Variants in LRRC1 observed in about 807,000 individuals in gnomAD.
The protein encoded by LRRC1 is leucine-rich repeat-containing protein 1.
In LRRC1, 28 loss-of-function variants were observed where a neutral mutation model predicts 69.9. The observed-to-expected ratio is 0.40, with a 90% CI of 0.30 to 0.55. The LOEUF (loss-of-function observed/expected upper bound fraction) is 0.55, where lower values mean the gene tolerates loss of function less well. Among genes scored for constraint, LRRC1 ranks in the 20% least tolerant of loss-of-function variants. The pLI, the probability that LRRC1 is intolerant of heterozygous loss-of-function variation, is 0.47. For missense variants in LRRC1, 498 were observed against 609.0 expected (o/e 0.82, Z 1.92); for synonymous variants, 236 against 240.2 (o/e 0.98, Z 0.16).
At chr6:53,827,519 G>A (rs920902761) in intron 1 of LRRC1, among the ~76,000 whole-genome samples, 9 of 152,112 alleles carry the variant, frequency 5.9e-5, no homozygotes, top group Admixed American at 3.3e-4. Flanking sequence ...CCAGGTAATT[G>A]GGTAAAGGCC....
chr6:53,897,571 T>C (rs770639141), intron 7 of LRRC1, among the ~76,000 whole-genome samples: 3 of 152,202 alleles, frequency 2.0e-5, no homozygotes, highest in Admixed American at 1.3e-4. Context: ...TTTGTAAATA[T>C]AGTAAATATT....
At chr6:53,833,883 A>G (rs749488954) in intron 1 of LRRC1, among the ~76,000 whole-genome samples, 9 of 152,228 alleles carry the variant, frequency 5.9e-5, no homozygotes, top group Non-Finnish European at 8.8e-5. Flanking sequence ...ACATGAATAT[A>G]AACTATTTTG....
At chr6:53,831,562 A>G (rs1195328399) in intron 1 of LRRC1, among the ~76,000 whole-genome samples, 2 of 152,212 alleles carry the variant, frequency 1.3e-5, no homozygotes, top group Non-Finnish European at 2.9e-5. Flanking sequence ...CTGGTTAGTC[A>G]GGTCCCTCCC....
intron 1 of LRRC1, among the ~76,000 whole-genome samples, chr6:53,833,023 C>G (rs1765474110): frequency 6.6e-6 from 1 of 151,976 alleles, no homozygotes; most frequent in African/African-American, 2.4e-5. Context: ...TAATCATTCC[C>G]CTATTGTTAG....
intron 2 of LRRC1, among the ~76,000 whole-genome samples, chr6:53,862,849 C>T (rs561063731): frequency 2.0e-5 from 3 of 152,124 alleles, no homozygotes; most frequent in South Asian, 2.1e-4. Flanking sequence ...CCTGCACACC[C>T]GGAACAACAG....
At chr6:53,808,389 G>A (rs1279581580) in intron 1 of LRRC1, among the ~76,000 whole-genome samples, 2 of 151,928 alleles carry the variant, frequency 1.3e-5, no homozygotes, top group South Asian at 2.1e-4. Flanking sequence ...TACTTGAGTT[G>A]AGTCATGGCA....
intron 1 of LRRC1, among the ~76,000 whole-genome samples, chr6:53,830,115 GGT>G (rs1202348960): frequency 6.6e-6 from 1 of 152,192 alleles, no homozygotes; most frequent in Non-Finnish European, 1.5e-5. Context: ...TGGCTCACTG[GGT>G]GGCCTGCGGG....
At chr6:53,919,812 G>A (rs1768684437) in intron 12 of LRRC1, 142 bp downstream of exon 12, 2 of 629,776 alleles carry the variant, frequency 3.2e-6, no homozygotes, top group Admixed American at 5.8e-5. Context: ...GGCCACTGTG[G>A]GACTCTTCCG....
chr6:53,872,847 C>T (rs2127427712), intron 2 of LRRC1, among the ~76,000 whole-genome samples: 1 of 148,820 alleles, frequency 6.7e-6, no homozygotes, highest in South Asian at 2.1e-4. Context: ...ACCTTGGCCT[C>T]CCACGTTCAA....
At chr6:53,869,864 A>T (rs1766826078) in intron 2 of LRRC1, among the ~76,000 whole-genome samples, 1 of 152,264 alleles carries the variant, frequency 6.6e-6, no homozygotes, top group Admixed American at 6.5e-5. Context: ...TTAACATGTT[A>T]GCTGAGTATT....
chr6:53,855,362 T>C (rs1766276599), intron 2 of LRRC1, among the ~76,000 whole-genome samples: 1 of 152,140 alleles, frequency 6.6e-6, no homozygotes, highest in South Asian at 2.1e-4. Flanking sequence ...TGGGTTAAGA[T>C]GAACAAGTGG....
intron 1 of LRRC1, among the ~76,000 whole-genome samples, chr6:53,796,481 G>T (rs1562019181): frequency 6.6e-6 from 1 of 152,164 alleles, no homozygotes. Flanking sequence ...GCTTTGGAAC[G>T]CAAACTTCTT....
At chr6:53,869,370 T>C (rs928074265) in intron 2 of LRRC1, among the ~76,000 whole-genome samples, 3 of 152,134 alleles carry the variant, frequency 2.0e-5, no homozygotes, top group African/African-American at 4.8e-5. Context: ...CTAGACCTCA[T>C]TGAGAAGATT....
In LRRC1 at chr6:53,904,445, G is replaced by C. The variant is rs774730907; in HGVS notation, c.973G>C (p.Val325Leu). ...CTTGAATGCAGACAGAAATAAATTA[G>C]TGTCCTTACCAAAAGAGGTATGTGC... Reference protein sequence around the residue: ...SNLNADRNKLVSLPKEIGGCC... With the variant: ...SNLNADRNKLLSLPKEIGGCC... Residue 325 changes from valine to leucine, a missense_variant, in exon 10 of 14, where the codon GTG becomes CTG. By Grantham distance (32) the Val-to-Leu change is conservative (BLOSUM62 1). This residue lies in a region of LRRC1 where 266 missense variants were observed against 383.9 expected (regional missense o/e 0.69). Transcript: ENST00000370888. The C allele has an allele frequency of 2.5e-6, 4 of 1,608,638 alleles. No individual in the cohort carries two copies. In the African/African-American group the frequency reaches 5.3e-5, roughly 22 times the overall value.
intron 1 of LRRC1, among the ~76,000 whole-genome samples, chr6:53,800,387 G>T (rs1290373923): frequency 1.3e-5 from 2 of 150,626 alleles, no homozygotes; most frequent in Non-Finnish European, 2.9e-5. Context: ...AGTAAGCTGG[G>T]ATTACAGGCG....
In LRRC1 at chr6:53,920,706, G is replaced by A; in HGVS notation, c.1361G>A (p.Arg454Lys). 1 of 1,614,198 alleles carries A rather than the reference G, an allele frequency of 6.2e-7. No homozygotes were observed. The highest frequency in any genetic ancestry group is 8.5e-7 in the Non-Finnish European group (1 of 1,180,014). ...GCCTGGAACGAGCGTGCTGTCAACA[G>A]AGTCAGTGCGATCCGATTTGTGGAG... ...DEAWNERAVN[R>K]VSAIRFVEDE... The change falls in exon 13 of 14, where the codon AGA becomes AAA. Residue 454 changes from arginine (R) to lysine (K), a missense_variant. Arg to Lys is a conservative substitution (Grantham distance 26). Transcript: ENST00000370888.
intron 11 of LRRC1, among the ~76,000 whole-genome samples, chr6:53,918,760 C>T (rs1385764747): frequency 1.3e-5 from 2 of 152,136 alleles, no homozygotes; most frequent in Non-Finnish European, 2.9e-5. Flanking sequence ...TTTGTGCAAA[C>T]ATAAATATAA....
chr6:53,889,021 C>T (rs960740454), intron 4 of LRRC1, among the ~76,000 whole-genome samples: 15 of 152,004 alleles, frequency 9.9e-5, no homozygotes, highest in Admixed American at 6.5e-5. Flanking sequence ...ATAAAAGAAC[C>T]AACCCAATTA....
intron 1 of LRRC1, among the ~76,000 whole-genome samples, chr6:53,799,783 A>G (rs1161589214): frequency 6.6e-6 from 1 of 152,230 alleles, no homozygotes; most frequent in Admixed American, 6.5e-5. Flanking sequence ...TTTTCCCAGA[A>G]GTTCTGTTTC....
Sources: gnomAD v4.1 joint callset for allele counts (sites outside exome capture counted in the v4.1 genomes callset) on GRCh38, gnomAD v4.1.1 for gene constraint, gnomAD v4.1.1 regional missense constraint, MANE v1.5 for transcripts, NCBI Gene and HGNC (gene_info 2026-07-23, HGNC 2026-07-21) for gene names.